Variants in ASTN2 observed in about 807,000 individuals in gnomAD.
ASTN2 encodes astrotactin-2.
Under a neutral mutation model 139.8 loss-of-function variants are expected in ASTN2, and 54 were observed. The ratio of observed to expected loss-of-function variants is 0.39; its 90% CI spans 0.31 to 0.48. The LOEUF is 0.48. ASTN2 is among the 20% of genes least tolerant of loss of function. The pLI is 0.95. For synonymous variants in ASTN2, 756 were observed against 719.5 expected (o/e 1.05, Z -0.81); for missense variants, 1,565 against 1,725.1 (o/e 0.91, Z 1.64).
chr9:117,305,978 T>A (rs1457388179), intron 1 of ASTN2, among the ~76,000 whole-genome samples: 1 of 152,206 alleles, frequency 6.6e-6, no homozygotes, highest in Non-Finnish European at 1.5e-5. Context: ...AATATAGACA[T>A]CATTTGAGAT....
chr9:116,559,143 G>T (rs1057128811), intron 19 of ASTN2, among the ~76,000 whole-genome samples: 1 of 152,150 alleles, frequency 6.6e-6, no homozygotes, highest in Admixed American at 6.5e-5. Flanking sequence ...TGGGACTGGA[G>T]GAGATCTCCC....
chr9:116,460,213 T>G (rs1344807125), intron 20 of ASTN2, among the ~76,000 whole-genome samples: 1 of 152,078 alleles, frequency 6.6e-6, no homozygotes, highest in African/African-American at 2.4e-5. Flanking sequence ...TTCCTAGAGA[T>G]AAAAAGTAGA....
chr9:116,919,298 T>C (rs1479464157), intron 10 of ASTN2, among the ~76,000 whole-genome samples: 1 of 152,248 alleles, frequency 6.6e-6, no homozygotes, highest in East Asian at 1.9e-4. Flanking sequence ...TTTGTGGCTA[T>C]GTTTGCCCCT....
At chr9:117,305,822 T>C (rs978330053) in intron 1 of ASTN2, among the ~76,000 whole-genome samples, 1 of 152,230 alleles carries the variant, frequency 6.6e-6, no homozygotes, top group Non-Finnish European at 1.5e-5. Flanking sequence ...TTAAGGATAA[T>C]GATAAAGCCA....
At position 117,071,200 on chromosome 9, in the gene ASTN2, C is replaced by G. The variant is rs1356276166; in HGVS notation, c.1276+24844G>C. On this transcript the variant is annotated intron_variant, in intron 5 of 22. Coordinates refer to ENST00000313400, the MANE Select transcript of ASTN2 (RefSeq NM_001365068.1). ...ACAGATGGGTTTTTGGTGTGGATGT[C>G]CTTTCTGTTTGTTAGTTTTCCTTCT... Among the ~76,000 whole-genome samples the G allele has an allele frequency of 2.0e-5, 3 of 151,614 alleles. No homozygotes were observed. In the East Asian group the frequency reaches 5.8e-4, roughly 30 times the overall value.
chr9:117,075,893 A>G (rs1457631912), intron 5 of ASTN2, among the ~76,000 whole-genome samples: 1 of 152,176 alleles, frequency 6.6e-6, no homozygotes, highest in African/African-American at 2.4e-5. Flanking sequence ...GCTAAATGAG[A>G]CAGCACAGGT....
intron 11 of ASTN2, among the ~76,000 whole-genome samples, chr9:116,842,433 A>G (rs1832289330): frequency 6.6e-6 from 1 of 152,098 alleles, no homozygotes; most frequent in Admixed American, 6.5e-5. Flanking sequence ...GAATTCTTCA[A>G]TATGAACCAT....
chr9:116,995,148 C>A (rs1588466626), intron 7 of ASTN2, among the ~76,000 whole-genome samples: 1 of 152,158 alleles, frequency 6.6e-6, no homozygotes, highest in Admixed American at 6.5e-5. Flanking sequence ...TGTGTTAGTA[C>A]AAGTTTCATG....
rs1847230383 is a variant in ASTN2, at chr9:116,423,179, G to A, written c.*2672C>T. On this transcript the variant is annotated 3_prime_UTR_variant, in exon 23 of 23. Coordinates refer to ENST00000313400, the MANE Select transcript of ASTN2 (RefSeq NM_001365068.1). ...CTTTCCCAACCAGATTTTCCTGGAT[G>A]TCTGCCCAAGACTCACAGTATTATG... Among the ~76,000 whole-genome samples, 1 of 152,082 alleles carries A rather than the reference G, an allele frequency of 6.6e-6. No individual in the cohort carries two copies. The highest frequency in any genetic ancestry group is 6.6e-5 in the Admixed American group (1 of 15,260).
At chr9:117,159,639 T>G (rs1830504579) in intron 3 of ASTN2, among the ~76,000 whole-genome samples, 1 of 152,204 alleles carries the variant, frequency 6.6e-6, no homozygotes, top group South Asian at 2.1e-4. Context: ...GTATATCAGG[T>G]GCTTGATATA....
At chr9:117,394,311 G>C (rs1188732989) in intron 1 of ASTN2, among the ~76,000 whole-genome samples, 4 of 152,166 alleles carry the variant, frequency 2.6e-5, no homozygotes, top group African/African-American at 7.2e-5. Context: ...TAGTAGCCAA[G>C]AGTCACATGT....
At chr9:117,297,862 C>T (rs901619722) in intron 1 of ASTN2, among the ~76,000 whole-genome samples, 3 of 152,160 alleles carry the variant, frequency 2.0e-5, no homozygotes, top group African/African-American at 7.2e-5. Flanking sequence ...TTCTACCCAC[C>T]AATTTTTTGC....
chr9:117,394,088 G>A (rs1218870234), intron 1 of ASTN2, among the ~76,000 whole-genome samples: 1 of 152,158 alleles, frequency 6.6e-6, no homozygotes, highest in Non-Finnish European at 1.5e-5. Flanking sequence ...TTTTCAAAGT[G>A]GATCTCTTTG....
intron 11 of ASTN2, among the ~76,000 whole-genome samples, chr9:116,858,460 G>GA (rs1832797258): frequency 6.6e-6 from 1 of 152,186 alleles, no homozygotes. Flanking sequence ...CAGTTACTTA[G>GA]AGATGGTGGT....
intron 19 of ASTN2, among the ~76,000 whole-genome samples, chr9:116,552,612 C>T (rs1332083386): frequency 6.6e-6 from 1 of 152,198 alleles, no homozygotes; most frequent in Non-Finnish European, 1.5e-5. Flanking sequence ...TATCAGAGCT[C>T]ATATATCAAG....
At chr9:116,599,911 G>T (rs1279860742) in intron 19 of ASTN2, among the ~76,000 whole-genome samples, 1 of 152,038 alleles carries the variant, frequency 6.6e-6, no homozygotes, top group Non-Finnish European at 1.5e-5. Context: ...TCAGACCAAG[G>T]TCAGCCATCC....
chr9:116,588,653 A>ATT (rs1854256244), intron 19 of ASTN2, among the ~76,000 whole-genome samples: 1 of 89,606 alleles, frequency 1.1e-5, no homozygotes, highest in Non-Finnish European at 2.3e-5. Context: ...ATAGCTTTAG[A>ATT]ATATTATGCT....
chr9:116,643,146 CATAT>C (rs1385582514), intron 17 of ASTN2, among the ~76,000 whole-genome samples: 1 of 152,160 alleles, frequency 6.6e-6, no homozygotes, highest in Non-Finnish European at 1.5e-5. Context: ...AGTAAGAGAA[CATAT>C]ATAAATACAC....
intron 19 of ASTN2, chr9:116,585,933 T>A (rs1468052774): frequency 6.6e-6 from 1 of 152,160 alleles, no homozygotes; most frequent in African/African-American, 2.4e-5. Flanking sequence ...ATTCAGACTC[T>A]GTAAGAAACT....
Sources: gnomAD v4.1 joint callset for allele counts (sites outside exome capture counted in the v4.1 genomes callset) on GRCh38, gnomAD v4.1.1 for gene constraint, MANE v1.5 for transcripts, NCBI Gene and HGNC (gene_info 2026-07-23, HGNC 2026-07-21) for gene names.